Variants in ADAMTS3 observed in about 807,000 individuals in gnomAD.
ADAMTS3 encodes the protein A disintegrin and metalloproteinase with thrombospondin motifs 3.
In ADAMTS3, 73 loss-of-function variants were observed where a neutral mutation model predicts 129.0. The observed-to-expected ratio is 0.57, with a 90% CI of 0.47 to 0.69. The LOEUF (loss-of-function observed/expected upper bound fraction) is 0.69, where lower values mean the gene tolerates loss of function less well. Among genes scored for constraint, ADAMTS3 ranks in the 30% least tolerant of loss-of-function variants. The pLI, the probability that ADAMTS3 is intolerant of heterozygous loss-of-function variation, is 0.00. For synonymous variants in ADAMTS3, 477 were observed against 510.8 expected (o/e 0.93, Z 0.89); for missense variants, 1,457 against 1,514.5 (o/e 0.96, Z 0.63).
chr4:72,476,223 T>A (rs575157304), intron 3 of ADAMTS3, among the ~76,000 whole-genome samples: 7 of 151,586 alleles, frequency 4.6e-5, no homozygotes, highest in South Asian at 4.2e-4. Context: ...ACTGAAAAAA[T>A]ATCTAGCAAG....
chr4:72,515,227 C>A (rs1041792679), intron 3 of ADAMTS3, among the ~76,000 whole-genome samples: 1 of 152,108 alleles, frequency 6.6e-6, no homozygotes, highest in East Asian at 1.9e-4. Flanking sequence ...TCTTAATCCA[C>A]TCTATCATTG....
chr4:72,424,447 C>A (rs1722521583), intron 3 of ADAMTS3, among the ~76,000 whole-genome samples: 1 of 152,026 alleles, frequency 6.6e-6, no homozygotes, highest in Admixed American at 6.6e-5. Flanking sequence ...TTCTATACAT[C>A]CATTCTAATT....
At chr4:72,530,244 A>C (rs1269682406) in intron 3 of ADAMTS3, among the ~76,000 whole-genome samples, 1 of 80,616 alleles carries the variant, frequency 1.2e-5, no homozygotes, top group African/African-American at 5.0e-5. Context: ...TATTAAATAT[A>C]TATAATATAT....
rs1442763736 is a variant in ADAMTS3 at position 72,568,686 on chromosome 4, C to T, written c.69+8G>A. The T allele has an allele frequency of 6.2e-7, 1 of 1,611,722 alleles. No individual in the cohort carries two copies. The highest frequency in any genetic ancestry group is 1.7e-5 in the Admixed American group (1 of 59,892). ...AGTTTTTTTTTATTGTTATTATTTT[C>T]CACTTACTTGTCCATCAGCTGAAGT... On this transcript the variant is annotated splice_region_variant and intron_variant, in intron 1 of 21. Coordinates refer to ENST00000286657, the MANE Select transcript of ADAMTS3 (RefSeq NM_014243.3).
chr4:72,343,458 C>T (rs1337736890), intron 4 of ADAMTS3, among the ~76,000 whole-genome samples: 1 of 152,192 alleles, frequency 6.6e-6, no homozygotes, highest in Middle Eastern at 3.2e-3. Context: ...TCCCTACCCT[C>T]ACTACCCACC....
At position 72,471,329 on chromosome 4, in the gene ADAMTS3, C is replaced by T. The variant is rs556292220; in HGVS notation, c.505-56358G>A. On this transcript the variant is annotated intron_variant, in intron 3 of 21. Coordinates refer to ENST00000286657, the MANE Select transcript of ADAMTS3 (RefSeq NM_014243.3). ...ATGTCAATAATGCAATAACTTCTAA[C>T]TCCATGACACAATATTTTCCAAATG... 1.9e-3 allele frequency among the ~76,000 whole-genome samples: 282 copies of T among 152,194 alleles called. 1 individual carries two copies. Among genetic ancestry groups the T allele is most frequent in the African/African-American group, 6.6e-3 (274 of 41,528 alleles).
At chr4:72,472,954 T>A (rs1490204024) in intron 3 of ADAMTS3, among the ~76,000 whole-genome samples, 1 of 152,190 alleles carries the variant, frequency 6.6e-6, no homozygotes, top group African/African-American at 2.4e-5. Flanking sequence ...AAAGTTGGCA[T>A]AAAATACAGC....
chr4:72,317,437 C>A lies in ADAMTS3; in HGVS notation c.1485+1135G>T, dbSNP rs374492570. ...ACACTTACGTTCCTTGCTCTAACACCCAAAGCTTGCTCCAACATAGAAAAA... is the reference window on the plus strand; with the variant it reads ...ACACTTACGTTCCTTGCTCTAACACACAAAGCTTGCTCCAACATAGAAAAA... On this transcript the variant is annotated intron_variant, in intron 10 of 21. Coordinates refer to ENST00000286657, the MANE Select transcript of ADAMTS3 (RefSeq NM_014243.3). Among the ~76,000 whole-genome samples the A allele has an allele frequency of 1.1e-4, 16 of 151,026 alleles. No individual in the cohort carries two copies. In the East Asian group the frequency reaches 2.6e-3, roughly 24 times the overall value.
At chr4:72,327,265 T>A (rs1719723001) in intron 5 of ADAMTS3, among the ~76,000 whole-genome samples, 1 of 152,294 alleles carries the variant, frequency 6.6e-6, no homozygotes, top group South Asian at 2.1e-4. Flanking sequence ...AATTTGAATC[T>A]GTCAAGATGG....
At chr4:72,299,871 C>T (rs1008643720) in intron 17 of ADAMTS3, among the ~76,000 whole-genome samples, 1 of 152,056 alleles carries the variant, frequency 6.6e-6, no homozygotes, top group Admixed American at 6.6e-5. Flanking sequence ...ATATGAGTTG[C>T]AAATATTTTC....
intron 4 of ADAMTS3, among the ~76,000 whole-genome samples, chr4:72,365,074 C>T (rs1436358356): frequency 6.6e-6 from 1 of 152,198 alleles, no homozygotes; most frequent in Non-Finnish European, 1.5e-5. Flanking sequence ...CATAAGGAGG[C>T]ACTCAGCAAA....
intron 3 of ADAMTS3, among the ~76,000 whole-genome samples, chr4:72,509,566 G>A (rs908823031): frequency 5.3e-5 from 8 of 151,932 alleles, no homozygotes; most frequent in African/African-American, 1.7e-4. Flanking sequence ...ATTGAACCAC[G>A]AAGAAATCCA....
chr4:72,474,224 T>C (rs190256333), intron 3 of ADAMTS3, among the ~76,000 whole-genome samples: 102 of 152,268 alleles, frequency 6.7e-4, no homozygotes, highest in Non-Finnish European at 1.2e-3. Context: ...AGACAATTAA[T>C]AGATGCCAAC....
At chr4:72,446,863 T>C (rs553350841) in intron 3 of ADAMTS3, among the ~76,000 whole-genome samples, 19 of 151,742 alleles carry the variant, frequency 1.3e-4, no homozygotes, top group Non-Finnish European at 1.9e-4. Context: ...ATCATGCATG[T>C]AGGAAACTTG....
intron 4 of ADAMTS3, among the ~76,000 whole-genome samples, chr4:72,381,355 C>A (rs1721284704): frequency 6.6e-6 from 1 of 152,166 alleles, no homozygotes; most frequent in African/African-American, 2.4e-5. Flanking sequence ...GATAGCCATG[C>A]AACTTGATAT....
intron 3 of ADAMTS3, among the ~76,000 whole-genome samples, chr4:72,518,317 A>C (rs1210552058): frequency 6.6e-6 from 1 of 152,144 alleles, no homozygotes; most frequent in Non-Finnish European, 1.5e-5. Flanking sequence ...TATTCTGTTG[A>C]TATGGGGTGG....
At chr4:72,362,134 A>G (rs1720744972) in intron 4 of ADAMTS3, among the ~76,000 whole-genome samples, 1 of 145,224 alleles carries the variant, frequency 6.9e-6, no homozygotes, top group African/African-American at 2.6e-5. Context: ...AATATTATCA[A>G]TGTATCTGGA....
chr4:72,556,124 CAGGAAGGA>C (rs529188663), intron 2 of ADAMTS3, among the ~76,000 whole-genome samples: 3 of 151,338 alleles, frequency 2.0e-5, no homozygotes, highest in Non-Finnish European at 2.9e-5. Flanking sequence ...GTGTATATTA[CAGGAAGGA>C]AGGAAGGAAG....
chr4:72,400,163 G>A (rs1409642153), intron 4 of ADAMTS3, among the ~76,000 whole-genome samples: 2 of 142,660 alleles, frequency 1.4e-5, no homozygotes, highest in African/African-American at 5.2e-5. Flanking sequence ...ATATATATGT[G>A]TGTATATATG....
Sources: gnomAD v4.1 joint callset for allele counts (sites outside exome capture counted in the v4.1 genomes callset) on GRCh38, gnomAD v4.1.1 for gene constraint, MANE v1.5 for transcripts, NCBI Gene and HGNC (gene_info 2026-07-23, HGNC 2026-07-21) for gene names.